The following AP3B1 variants were observed in gnomAD, a reference collection of about 807,000 sequenced individuals.
AP3B1 encodes the protein adaptor related protein complex 3 subunit beta 1, also known as AP-3 complex subunit beta-1.
Under a neutral mutation model 132.5 loss-of-function variants are expected in AP3B1, and 61 were observed. The ratio of observed to expected loss-of-function variants is 0.46; its 90% CI spans 0.37 to 0.57. The LOEUF (loss-of-function observed/expected upper bound fraction) is 0.57, where lower values mean the gene tolerates loss of function less well. Ranked by LOEUF, AP3B1 falls within the 20% of genes least tolerant of loss-of-function variation. The pLI is 0.00. For synonymous variants in AP3B1, 388 were observed against 438.3 expected, an observed-to-expected ratio of 0.89 and a Z score of 1.43; for missense variants, 1,120 against 1,289.4, an observed-to-expected ratio of 0.87 and a Z score of 2.01.
At chr5:78,263,098 T>C (rs1748166846) in intron 2 of AP3B1, among the ~76,000 whole-genome samples, 1 of 152,216 alleles carries the variant, frequency 6.6e-6, no homozygotes, top group Non-Finnish European at 1.5e-5. Context: ...TTGCATTGAA[T>C]ATACAGATCA....
intron 7 of AP3B1, among the ~76,000 whole-genome samples, chr5:78,193,841 A>G (rs1744971745): frequency 6.8e-6 from 1 of 147,474 alleles, no homozygotes; most frequent in Non-Finnish European, 1.5e-5. Context: ...GCTCACTGCA[A>G]GCTCCCGGGT....
intron 7 of AP3B1, among the ~76,000 whole-genome samples, chr5:78,193,768 A>G (rs865918292): frequency 1.5e-5 from 1 of 66,688 alleles, no homozygotes; most frequent in African/African-American, 6.0e-5. Context: ...ATATATATAT[A>G]TATTTTTTTT....
intron 22 of AP3B1, among the ~76,000 whole-genome samples, chr5:78,088,227 T>C (rs1750349219): frequency 6.6e-6 from 1 of 152,212 alleles, no homozygotes; most frequent in African/African-American, 2.4e-5. Context: ...AATAAAAGAC[T>C]TAACTGCTTA....
At chr5:78,219,998 G>T (rs1410169830) in intron 6 of AP3B1, among the ~76,000 whole-genome samples, 4 of 152,136 alleles carry the variant, frequency 2.6e-5, no homozygotes, top group African/African-American at 4.8e-5. Context: ...TTAACTGGGA[G>T]ATTTTTTAAA....
chr5:78,024,406 G>C (rs1323528410), intron 24 of AP3B1, among the ~76,000 whole-genome samples: 1 of 151,332 alleles, frequency 6.6e-6, no homozygotes, highest in Non-Finnish European at 1.5e-5. Flanking sequence ...TGTTTTTCTG[G>C]GAGACAGGGT....
intron 22 of AP3B1, among the ~76,000 whole-genome samples, chr5:78,054,735 G>T (rs535362282): frequency 6.6e-6 from 1 of 152,292 alleles, no homozygotes; most frequent in East Asian, 1.9e-4. Flanking sequence ...TAGGGACATG[G>T]ATTCCCCTTG....
chr5:78,101,522 C>G (rs1172327136), intron 20 of AP3B1, among the ~76,000 whole-genome samples: 4 of 152,032 alleles, frequency 2.6e-5, no homozygotes, highest in Non-Finnish European at 5.9e-5. Flanking sequence ...TTGTATCAAA[C>G]TTCTTTGCCA....
chr5:78,245,982 G>C (rs1375265356), intron 2 of AP3B1, among the ~76,000 whole-genome samples: 1 of 152,158 alleles, frequency 6.6e-6, no homozygotes, highest in African/African-American at 2.4e-5. Flanking sequence ...GTCATGTTTA[G>C]GGAGCAGCTG....
intron 22 of AP3B1, among the ~76,000 whole-genome samples, chr5:78,078,716 T>C (rs1749863253): frequency 1.3e-5 from 2 of 152,246 alleles, no homozygotes; most frequent in African/African-American, 4.8e-5. Flanking sequence ...TGAAGTTTTC[T>C]AGTCTTTTTC....
intron 24 of AP3B1, among the ~76,000 whole-genome samples, chr5:78,027,849 G>C (rs1747398866): frequency 6.6e-6 from 1 of 152,162 alleles, no homozygotes; most frequent in African/African-American, 2.4e-5. Context: ...GAATAGGCCA[G>C]GAACAGTGGC....
chr5:78,018,162 T>G (rs1746931853), intron 25 of AP3B1, among the ~76,000 whole-genome samples: 1 of 152,002 alleles, frequency 6.6e-6, no homozygotes, highest in African/African-American at 2.4e-5. Context: ...CATGTTATTT[T>G]CTTATTGAAA....
intron 7 of AP3B1, among the ~76,000 whole-genome samples, chr5:78,195,060 A>G (rs1425953919): frequency 7.7e-6 from 1 of 130,056 alleles, no homozygotes; most frequent in African/African-American, 3.0e-5. Context: ...AAGCTGGACC[A>G]AACCAAAAAA....
At chr5:78,267,171 A>G (rs1748356402) in intron 2 of AP3B1, among the ~76,000 whole-genome samples, 1 of 152,060 alleles carries the variant, frequency 6.6e-6, no homozygotes. Flanking sequence ...GACAAAAAAA[A>G]TCATTCTTTA....
Position 78,179,023 on chromosome 5 carries a change from T to TA in AP3B1, c.943-1588dup, listed in dbSNP as rs1234881182. Among the ~76,000 whole-genome samples, 4 of 152,196 alleles carry TA rather than the reference T, an allele frequency of 2.6e-5. No homozygotes were observed. The East Asian group carries it at 5.8e-4, about 22-fold the overall frequency. On this transcript the variant is annotated intron_variant, in intron 8 of 26. Transcript: ENST00000255194. Reference sequence around the variant, plus strand: ...AGCTTTAAGATATTAGTTGAGAATTTAAAAAATGCAAGAATATCTCATTTC... The same window carrying TA: ...AGCTTTAAGATATTAGTTGAGAATTTAAAAAAATGCAAGAATATCTCATTTC...
At chr5:78,214,120 G>C (rs938279968) in intron 7 of AP3B1, among the ~76,000 whole-genome samples, 3 of 152,168 alleles carry the variant, frequency 2.0e-5, no homozygotes, top group Non-Finnish European at 1.5e-5. Context: ...TCCAAGGTTG[G>C]ATTGCAAGTA....
chr5:78,174,038 C>A (rs1744038446), intron 11 of AP3B1, among the ~76,000 whole-genome samples: 1 of 152,182 alleles, frequency 6.6e-6, no homozygotes, highest in Admixed American at 6.5e-5. Flanking sequence ...TCCAACAGGT[C>A]ATTTAAGGTG....
At chr5:78,263,939 ATACT>A (rs760921858) in intron 2 of AP3B1, among the ~76,000 whole-genome samples, 14 of 152,178 alleles carry the variant, frequency 9.2e-5, no homozygotes, top group East Asian at 5.8e-4. Context: ...AGATACACAA[ATACT>A]TACCATTGTG....
At chr5:78,006,779 G>C (rs541974172) in intron 26 of AP3B1, among the ~76,000 whole-genome samples, 1 of 152,240 alleles carries the variant, frequency 6.6e-6, no homozygotes, top group African/African-American at 2.4e-5. Flanking sequence ...ACCACTTGCT[G>C]TTTGTAATCA....
At chr5:78,273,951 T>C (rs1181732307) in intron 1 of AP3B1, among the ~76,000 whole-genome samples, 1 of 143,166 alleles carries the variant, frequency 7.0e-6, no homozygotes, top group East Asian at 2.1e-4. Context: ...ATTTTTATCC[T>C]AAATACCTAG....
Sources: allele counts gnomAD v4.1 joint callset (sites outside exome capture counted in the v4.1 genomes callset), GRCh38; gene constraint gnomAD v4.1.1; transcripts MANE v1.5; gene names NCBI Gene and HGNC (gene_info 2026-07-23, HGNC 2026-07-21).